PDLIM5: variants seen among roughly 807,000 people sequenced by gnomAD.
PDLIM5 encodes the protein PDZ and LIM domain protein 5.
PDLIM5 carries 34 observed loss-of-function variants against 64.2 expected under a neutral mutation model. The observed-to-expected ratio is 0.53, with a 90% CI of 0.40 to 0.71. The LOEUF is 0.71. Ranked by LOEUF, PDLIM5 falls within the 30% of genes least tolerant of loss-of-function variation. The pLI is 0.00. For missense variants in PDLIM5, 683 were observed against 733.6 expected (o/e 0.93, Z 0.80); for synonymous variants, 253 against 269.1 (o/e 0.94, Z 0.59).
intron 2 of PDLIM5, among the ~76,000 whole-genome samples, chr4:94,490,477 T>G (rs982485248): frequency 7.2e-5 from 11 of 152,152 alleles, no homozygotes; most frequent in African/African-American, 2.4e-4. Flanking sequence ...ACTGATTATA[T>G]CCTTCCATAT....
chr4:94,498,020 C>T (rs1452884228), intron 2 of PDLIM5, among the ~76,000 whole-genome samples: 2 of 152,116 alleles, frequency 1.3e-5, no homozygotes, highest in Admixed American at 6.6e-5. Flanking sequence ...TTCTGAAGAA[C>T]CAAAAGAGTT....
chr4:94,521,640 A>C (rs1578299625), intron 2 of PDLIM5, among the ~76,000 whole-genome samples: 1 of 151,380 alleles, frequency 6.6e-6, no homozygotes, highest in East Asian at 1.9e-4. Context: ...GCAGAATAAG[A>C]AAAGTTATCT....
intron 7 of PDLIM5, among the ~76,000 whole-genome samples, chr4:94,615,582 A>G (rs968864817): frequency 6.6e-6 from 1 of 152,190 alleles, no homozygotes; most frequent in Non-Finnish European, 1.5e-5. Flanking sequence ...TAGCATAGTG[A>G]TAGGAGATAA....
intron 3 of PDLIM5, among the ~76,000 whole-genome samples, chr4:94,572,852 A>G (rs550671970): frequency 7.2e-5 from 11 of 152,354 alleles, no homozygotes; most frequent in Middle Eastern, 6.8e-3. Flanking sequence ...ATAAATATTC[A>G]TTCATTGACC....
chr4:94,548,508 A>G (rs1362395414), intron 3 of PDLIM5, among the ~76,000 whole-genome samples: 1 of 152,196 alleles, frequency 6.6e-6, no homozygotes, highest in Non-Finnish European at 1.5e-5. Context: ...ATGTTTTAGT[A>G]GATTCCATAG....
rs751843527 is a variant in PDLIM5 at position 94,523,764 on chromosome 4, T to C, written c.137T>C (p.Ile46Thr). ...AAGGCAGCCCAGGCAAATGTAAGAA[T>C]AGGCGATGTGGTTCTCAGCATTGAT... Reference protein sequence around the residue: ...GGKAAQANVRIGDVVLSIDGI... With the variant: ...GGKAAQANVRTGDVVLSIDGI... Residue 46 changes from isoleucine to threonine, a missense_variant, in exon 3 of 13, where the codon ATA becomes ACA. Transcript: ENST00000317968. 2 of 1,613,064 alleles carry C rather than the reference T, an allele frequency of 1.2e-6. No homozygotes were observed. Among genetic ancestry groups the C allele is most frequent in the South Asian group, 1.1e-5 (1 of 91,030 alleles).
At chr4:94,539,301 T>C (rs1200518570) in intron 3 of PDLIM5, among the ~76,000 whole-genome samples, 2 of 152,210 alleles carry the variant, frequency 1.3e-5, no homozygotes, top group Non-Finnish European at 1.5e-5. Context: ...ATACCCCGAA[T>C]TCATTTGCAG....
chr4:94,527,536 G>A (rs1730484855), intron 3 of PDLIM5, among the ~76,000 whole-genome samples: 1 of 152,136 alleles, frequency 6.6e-6, no homozygotes, highest in Admixed American at 6.5e-5. Context: ...ACTTGTCTTA[G>A]TCCAATTTCC....
chr4:94,620,139 T>C (rs1216378491), intron 8 of PDLIM5, among the ~76,000 whole-genome samples: 3 of 152,240 alleles, frequency 2.0e-5, no homozygotes, highest in Non-Finnish European at 4.4e-5. Context: ...ACTACCATGC[T>C]TTTGAAAGTT....
At chr4:94,514,958 A>C (rs939642007) in intron 2 of PDLIM5, among the ~76,000 whole-genome samples, 1 of 152,246 alleles carries the variant, frequency 6.6e-6, no homozygotes. Context: ...GAAAAGATAC[A>C]TATGCCAAAA....
At chr4:94,629,072 C>T (rs2110428110) in intron 8 of PDLIM5, among the ~76,000 whole-genome samples, 1 of 152,156 alleles carries the variant, frequency 6.6e-6, no homozygotes, top group East Asian at 1.9e-4. Context: ...GATTCTGGGC[C>T]AGGCACAGTG....
intron 7 of PDLIM5, among the ~76,000 whole-genome samples, chr4:94,610,534 G>A (rs571444232): frequency 8.1e-4 from 123 of 152,198 alleles, no homozygotes; most frequent in Admixed American, 3.1e-3. Flanking sequence ...TTTATGTATG[G>A]TATTTCTCAG....
At chr4:94,576,769 G>C (rs766917513) in intron 5 of PDLIM5, among the ~76,000 whole-genome samples, 1 of 151,978 alleles carries the variant, frequency 6.6e-6, no homozygotes, top group Non-Finnish European at 1.5e-5. Context: ...TTCCCTTTTG[G>C]GGGTATCTTT....
chr4:94,535,287 T>C (rs1338686709), intron 3 of PDLIM5, among the ~76,000 whole-genome samples: 1 of 152,200 alleles, frequency 6.6e-6, no homozygotes, highest in East Asian at 1.9e-4. Flanking sequence ...GATTTTAGCC[T>C]GCTTAGGCCC....
intron 9 of PDLIM5, among the ~76,000 whole-genome samples, chr4:94,643,660 T>C (rs1246889831): frequency 6.6e-6 from 1 of 152,190 alleles, no homozygotes; most frequent in African/African-American, 2.4e-5. Flanking sequence ...AAATATGGAA[T>C]GCTTAAATAG....
intron 3 of PDLIM5, among the ~76,000 whole-genome samples, chr4:94,543,131 G>A (rs897388277): frequency 6.6e-6 from 1 of 152,110 alleles, no homozygotes; most frequent in East Asian, 1.9e-4. Flanking sequence ...TGTGACTACT[G>A]TATAAATTAC....
At chr4:94,592,076 A>G (rs1439842311) in intron 7 of PDLIM5, among the ~76,000 whole-genome samples, 15 of 152,220 alleles carry the variant, frequency 9.9e-5, no homozygotes, top group Non-Finnish European at 1.9e-4. Context: ...AGGAACATGC[A>G]TTTACTTTAT....
intron 9 of PDLIM5, among the ~76,000 whole-genome samples, chr4:94,646,718 A>G (rs1384896795): frequency 1.3e-5 from 2 of 152,218 alleles, no homozygotes; most frequent in African/African-American, 4.8e-5. Context: ...AATCAAATGA[A>G]TATTTTGTAC....
rs144318128 is a variant in PDLIM5, at chr4:94,588,214, C to G, written c.920+1770C>G. Reference sequence around the variant, plus strand: ...ATAACTGGGTAAAATAAACAATTCTCTGACATTTCATTTGGAAATCATTTT... The same window carrying G: ...ATAACTGGGTAAAATAAACAATTCTGTGACATTTCATTTGGAAATCATTTT... On this transcript the variant is annotated intron_variant, in intron 7 of 12. Transcript: ENST00000317968. 2.0e-4 allele frequency: 192 copies of G among 959,236 alleles called. No individual in the cohort carries two copies. The East Asian group carries it at 6.0e-3, about 30-fold the overall frequency. 59.4% of individuals were successfully genotyped at this position (959,236 alleles called of 1,614,324 possible).
Sources: allele counts gnomAD v4.1 joint callset (sites outside exome capture counted in the v4.1 genomes callset), GRCh38; gene constraint gnomAD v4.1.1; transcripts MANE v1.5; gene names NCBI Gene and HGNC (gene_info 2026-07-23, HGNC 2026-07-21).